Variants in CDH3 observed in about 807,000 individuals in gnomAD.
The protein encoded by CDH3 is cadherin-3.
CDH3 carries 54 observed loss-of-function variants against 82.0 expected under a neutral mutation model. The observed-to-expected ratio is 0.66, with a 90% CI of 0.53 to 0.83. CDH3 has a LOEUF of 0.83. CDH3 is among the 40% of genes least tolerant of loss of function. The probability of loss-of-function intolerance (pLI) is 0.00; values close to 1 mark genes in which losing one functional copy is unlikely to be tolerated. For missense variants in CDH3, 1,054 were observed against 1,084.6 expected (o/e 0.97, Z 0.40); for synonymous variants, 446 against 437.9 (o/e 1.02, Z -0.23).
chr16:68,666,430 A>G (rs986424166), intron 2 of CDH3, among the ~76,000 whole-genome samples: 2 of 152,140 alleles, frequency 1.3e-5, no homozygotes, highest in African/African-American at 2.4e-5. Flanking sequence ...GGCAAGGGCA[A>G]TGGGCCTCCC....
At chr16:68,678,309 G>C (rs753965203) in intron 4 of CDH3, 32 bp downstream of exon 4, 1 of 1,612,854 alleles carries the variant, frequency 6.2e-7, no homozygotes, top group East Asian at 2.2e-5. Flanking sequence ...GGAAGCATTG[G>C]TGGCTCCAGG....
rs767067301 is a variant in CDH3 at position 68,684,758 on chromosome 16, T to A, written c.1358T>A (p.Ile453Asn). ...PSKVVEVQEGIPTGEPVCVYT... is the reference protein window; with the variant it reads ...PSKVVEVQEGNPTGEPVCVYT... ...AAAGTCGTTGAGGTCCAGGAGGGCA[T>A]CCCCACTGGGGAGCCTGTGTGTGTC... is the stretch of plus-strand genomic sequence containing the variant. Residue 453 changes from isoleucine (I) to asparagine (N), a missense_variant, in exon 10 of 16, where the codon ATC becomes AAC. By Grantham distance (149) the Ile-to-Asn change is moderately radical (BLOSUM62 -3). Transcript: ENST00000264012. 6.2e-7 allele frequency: 1 copy of A among 1,614,036 alleles called. No individual in the cohort carries two copies. Among genetic ancestry groups the A allele is most frequent in the Non-Finnish European group, 8.5e-7 (1 of 1,179,942 alleles).
chr16:68,733,563 C>A, the CDH3 span, among the ~76,000 whole-genome samples: 1 of 152,088 alleles, frequency 6.6e-6, no homozygotes, highest in Admixed American at 6.6e-5. Flanking sequence ...GCCAACATGG[C>A]GAAATCCCGT....
In CDH3 at chr16:68,716,974, C is replaced by A. The variant is rs148053706; in HGVS notation, c.100-5451C>A. 9.4e-3 allele frequency among the ~76,000 whole-genome samples: 1,428 copies of A among 151,712 alleles called. 25 individuals are homozygous for A. Among genetic ancestry groups the A allele is most frequent in the African/African-American group, 0.033 (1,346 of 41,350 alleles). ...TCTCAAATTCCTGAGCTCAAGTGATCCTCCCACTTTGGCCTCCCAAAGTGC... is the reference window on the plus strand; with the variant it reads ...TCTCAAATTCCTGAGCTCAAGTGATACTCCCACTTTGGCCTCCCAAAGTGC... On this transcript the variant is annotated intron_variant, in intron 1 of 2. Transcript: ENST00000569080.
At chr16:68,723,448 G>A (rs1310171360) in intron 2 of CDH3, among the ~76,000 whole-genome samples, 1 of 152,158 alleles carries the variant, frequency 6.6e-6, no homozygotes, top group East Asian at 1.9e-4. Flanking sequence ...CCTGTGCAGT[G>A]CCAGTTTTCA....
In CDH3 at chr16:68,691,787, G is replaced by C; in HGVS notation, c.1863G>C (p.Leu621=). 1.2e-6 allele frequency: 2 copies of C among 1,614,172 alleles called. No individual in the cohort carries two copies. The highest frequency in any genetic ancestry group is 1.7e-6 in the Non-Finnish European group (2 of 1,180,040). The change falls in exon 13 of 16, where the codon CTG becomes CTC. Residue 621 remains leucine (L), a synonymous_variant. Transcript: ENST00000264012. Reference sequence around the variant, plus strand: ...ATACATATGACGTGCACCTTTCTCTGTCTGACCATGGCAACAAAGAGCAGC... The same window carrying C: ...ATACATATGACGTGCACCTTTCTCTCTCTGACCATGGCAACAAAGAGCAGC... ...KQDTYDVHLS[L]SDHGNKEQLT...
At chr16:68,653,334 T>A (rs1597790668) in intron 2 of CDH3, among the ~76,000 whole-genome samples, 1 of 152,084 alleles carries the variant, frequency 6.6e-6, no homozygotes. Context: ...CCTCCCAGGT[T>A]CAAGCGATTC....
intron 2 of CDH3, among the ~76,000 whole-genome samples, chr16:68,665,659 G>C (rs2152094861): frequency 6.6e-6 from 1 of 152,238 alleles, no homozygotes; most frequent in South Asian, 2.1e-4. Flanking sequence ...TTGATCACTG[G>C]GATCTTTGTT....
intron 15 of CDH3, 137 bp from the exon 16 acceptor site, chr16:68,698,054 A>G (rs958205166): frequency 1.2e-5 from 10 of 802,808 alleles, no homozygotes; most frequent in Non-Finnish European, 1.9e-5. Flanking sequence ...ATTCTGCATG[A>G]ATAACGCATT....
chr16:68,692,026 T>G (rs1961595174), intron 13 of CDH3, 100 bp downstream of exon 13: 2 of 888,814 alleles, frequency 2.3e-6, no homozygotes, highest in Non-Finnish European at 3.5e-6. Flanking sequence ...CCACCAACAT[T>G]GCCCGTCCAC....
intron 1 of CDH3, among the ~76,000 whole-genome samples, chr16:68,714,886 G>A (rs540102015): frequency 6.6e-6 from 1 of 152,232 alleles, no homozygotes; most frequent in East Asian, 1.9e-4. Flanking sequence ...GCCCGTGTCT[G>A]TAGTCCCAGC....
At chr16:68,712,624 T>A (rs1473366470) in intron 1 of CDH3, among the ~76,000 whole-genome samples, 1 of 151,900 alleles carries the variant, frequency 6.6e-6, no homozygotes, top group African/African-American at 2.4e-5. Flanking sequence ...ATTTGACAGA[T>A]ATGGGAGAAC....
chr16:68,727,567 G>C (rs1335764257), downstream of CDH3, among the ~76,000 whole-genome samples: 1 of 152,068 alleles, frequency 6.6e-6, no homozygotes, highest in Non-Finnish European at 1.5e-5. Flanking sequence ...CTTGAGGCCA[G>C]GGGTTCACAA....
intron 2 of CDH3, among the ~76,000 whole-genome samples, chr16:68,666,628 G>A (rs1184630073): frequency 3.3e-5 from 5 of 152,138 alleles, no homozygotes; most frequent in South Asian, 4.1e-4. Flanking sequence ...ACTTGGTGAC[G>A]GAGAGAGGCA....
chr16:68,688,252 G>A (rs1172719567), intron 12 of CDH3, among the ~76,000 whole-genome samples: 2 of 151,724 alleles, frequency 1.3e-5, no homozygotes, highest in African/African-American at 4.8e-5. Context: ...TTGCCCCCGT[G>A]GCCCACAAGA....
Position 68,681,089 on chromosome 16 carries a change from C to A in CDH3, c.989C>A (p.Pro330His), listed in dbSNP as rs746823194. The change falls in exon 8 of 16, where the codon CCC becomes CAC. Residue 330 changes from proline (P) to histidine (H), a missense_variant. Physicochemically the swap from Pro to His is moderately conservative, Grantham distance 77 (BLOSUM62 -2). Coordinates refer to ENST00000264012, the MANE Select transcript of CDH3 (RefSeq NM_001793.6). The stretch of plus-strand genomic sequence containing the variant: ...AATGACAATGCTCCCATGTTTGACC[C>A]CCAGAAGGTAATGCCCCTTCCTCAC... ...DANDNAPMFD[P>H]QKYEAHVPEN... is the part of the protein sequence containing the mutation. 3 of 1,613,946 alleles carry A rather than the reference C, an allele frequency of 1.9e-6. No homozygotes were observed. The highest frequency in any genetic ancestry group is 1.7e-6 in the Non-Finnish European group (2 of 1,179,970).
chr16:68,710,158 C>T (rs1008889360), intron 1 of CDH3, among the ~76,000 whole-genome samples: 1 of 152,232 alleles, frequency 6.6e-6, no homozygotes, highest in Non-Finnish European at 1.5e-5. Context: ...TGCTCCCTCC[C>T]TGCCGGGCTG....
intron 10 of CDH3, 85 bp downstream of exon 10, chr16:68,684,909 C>A: frequency 6.6e-7 from 1 of 1,525,368 alleles, no homozygotes; most frequent in Non-Finnish European, 9.1e-7. Context: ...TTCTGATTAC[C>A]ATAGAGATTG....
In CDH3 at chr16:68,720,605, T is replaced by C. The variant is rs117771789; in HGVS notation, c.100-1820T>C. Reference sequence around the variant, plus strand: ...GGGCAAGACAATAGTGTTTTAAATGTTCTTTATTAAGTCTTTTTTTTTTTT... The same window carrying C: ...GGGCAAGACAATAGTGTTTTAAATGCTCTTTATTAAGTCTTTTTTTTTTTT... On this transcript the variant is annotated intron_variant, in intron 1 of 2. Transcript: ENST00000569080. Among the ~76,000 whole-genome samples the C allele has an allele frequency of 4.8e-3, 688 of 142,192 alleles. 15 individuals carry two copies. The East Asian group carries it at 0.077, about 16-fold the overall frequency. 93.3% of individuals were successfully genotyped at this position (142,192 alleles called of 152,430 possible).
Sources: gnomAD v4.1 joint callset for allele counts (sites outside exome capture counted in the v4.1 genomes callset) on GRCh38, gnomAD v4.1.1 for gene constraint, MANE v1.5 for transcripts, NCBI Gene and HGNC (gene_info 2026-07-23, HGNC 2026-07-21) for gene names.